The following CDK17 variants were observed in gnomAD, a reference collection of about 807,000 sequenced individuals.
The protein encoded by CDK17 is cyclin-dependent kinase 17.
Under a neutral mutation model 77.6 loss-of-function variants are expected in CDK17, and 24 were observed. The ratio of observed to expected loss-of-function variants is 0.31; its 90% confidence interval spans 0.22 to 0.44. The LOEUF is 0.44. Among genes scored for constraint, CDK17 ranks in the 20% least tolerant of loss-of-function variants. The pLI, the probability that CDK17 is intolerant of heterozygous loss-of-function variation, is 1.00. For synonymous variants in CDK17, 203 were observed against 210.4 expected (o/e 0.96, Z 0.30); for missense variants, 429 against 622.5 (o/e 0.69, Z 3.31).
At position 96,380,305 on chromosome 12, in the gene CDK17, C is replaced by A. The variant is rs1483616635; in HGVS notation, c.-30+19681G>T. 1.9e-4 allele frequency among the ~76,000 whole-genome samples: 23 copies of A among 123,790 alleles called. No homozygotes were observed. The South Asian group carries it at 4.4e-3, about 24-fold the overall frequency. The allele number at this position is 123,790 out of a possible 152,430, so 81.2% of individuals were successfully genotyped here. ...CTGGTTTTTTTTTTTTTTTTTGAGA[C>A]AAAGTCTTCCCTGTTGCCCAGGCTA... On this transcript the variant is annotated intron_variant, in intron 1 of 16. Transcript: ENST00000261211.
At chr12:96,398,020 C>T (rs534375095) in intron 1 of CDK17, among the ~76,000 whole-genome samples, 2 of 152,110 alleles carry the variant, frequency 1.3e-5, no homozygotes, top group South Asian at 2.1e-4. Context: ...ATTAAACAGG[C>T]TTTGCTTTTA....
chr12:96,385,658 T>C (rs1379620744), intron 1 of CDK17, among the ~76,000 whole-genome samples: 1 of 152,052 alleles, frequency 6.6e-6, no homozygotes, highest in Non-Finnish European at 1.5e-5. Flanking sequence ...AAAAGGATCT[T>C]AAACAAAAAT....
chr12:96,313,865 T>C (rs1300747788), intron 3 of CDK17, among the ~76,000 whole-genome samples: 2 of 152,222 alleles, frequency 1.3e-5, no homozygotes, highest in African/African-American at 4.8e-5. Context: ...TCTTATTTAG[T>C]ATTCTTTCAA....
At position 96,400,060 on chromosome 12, in the gene CDK17, G is replaced by A; in HGVS notation, c.-104C>T. On this transcript the variant is annotated 5_prime_UTR_variant, in exon 1 of 17. Coordinates refer to ENST00000261211, the MANE Select transcript of CDK17 (RefSeq NM_002595.5). The stretch of plus-strand genomic sequence containing the variant: ...GGGGGAAGCTGCTCCGCGGACGCCC[G>A]CGGCGACCGGATGCAAGTCCGGGTC... 1 of 388,474 alleles carries A rather than the reference G, an allele frequency of 2.6e-6. No individual in the cohort carries two copies. Among genetic ancestry groups the A allele is most frequent in the Non-Finnish European group, 4.5e-6 (1 of 219,792 alleles). 24.1% of individuals were successfully genotyped at this position (388,474 alleles called of 1,614,324 possible). A position where few individuals can be genotyped will look rare whatever the true frequency, so the allele number is the denominator to read the frequency against.
At chr12:96,377,511 GATA>G (rs1231369601) in intron 1 of CDK17, among the ~76,000 whole-genome samples, 1 of 152,072 alleles carries the variant, frequency 6.6e-6, no homozygotes, top group East Asian at 1.9e-4. Context: ...CAATGTCATT[GATA>G]ATGAGAAAAA....
intron 2 of CDK17, among the ~76,000 whole-genome samples, chr12:96,331,871 G>A (rs973621754): frequency 1.3e-5 from 2 of 152,168 alleles, no homozygotes; most frequent in African/African-American, 4.8e-5. Context: ...CAAGAGACAA[G>A]TGATCAAAAA....
chr12:96,375,979 C>A (rs1017758904), intron 1 of CDK17, among the ~76,000 whole-genome samples: 2 of 152,116 alleles, frequency 1.3e-5, no homozygotes, highest in African/African-American at 4.8e-5. Flanking sequence ...TGCAAATGAG[C>A]CTAAGAATCA....
chr12:96,281,418 G>C (rs1331979249), intron 15 of CDK17, among the ~76,000 whole-genome samples: 1 of 152,224 alleles, frequency 6.6e-6, no homozygotes, highest in Non-Finnish European at 1.5e-5. Context: ...ACCCAGGCTA[G>C]AGTGCAGTGG....
intron 5 of CDK17, among the ~76,000 whole-genome samples, chr12:96,306,565 C>A (rs1385344869): frequency 1.3e-5 from 2 of 152,012 alleles, no homozygotes; most frequent in Non-Finnish European, 2.9e-5. Context: ...AAGTCTAGTA[C>A]ATGTGAAGAA....
At chr12:96,351,318 CA>C (rs33926052) in intron 1 of CDK17, among the ~76,000 whole-genome samples, 65,049 of 148,394 alleles carry the variant, frequency 0.44, 15,636 homozygotes, top group Middle Eastern at 0.61. Context: ...AGGGATATAC[CA>C]AAAAAAAAAA....
rs1357195086 is a variant in CDK17, at chr12:96,316,691, G to A, written c.284-3237C>T. Among the ~76,000 whole-genome samples, 7 of 126,698 alleles carry A rather than the reference G, an allele frequency of 5.5e-5. No individual in the cohort carries two copies. In the East Asian group the frequency reaches 1.9e-3, roughly 35 times the overall value. The allele number at this position is 126,698 out of a possible 152,430, so 83.1% of individuals were successfully genotyped here. A position where few individuals can be genotyped will look rare whatever the true frequency, so the allele number is the denominator to read the frequency against. On this transcript the variant is annotated intron_variant, in intron 3 of 16. Transcript: ENST00000261211. Reference sequence around the variant, plus strand: ...CTAACTGTGAGGCACCCCCCAGCAGGGGCACACTGACACCTCACACGGCAG... The same window carrying A: ...CTAACTGTGAGGCACCCCCCAGCAGAGGCACACTGACACCTCACACGGCAG...
intron 1 of CDK17, among the ~76,000 whole-genome samples, chr12:96,376,476 A>G (rs1953784547): frequency 6.6e-6 from 1 of 152,222 alleles, no homozygotes; most frequent in Non-Finnish European, 1.5e-5. Context: ...GCTTATAAGC[A>G]ATATACTCAA....
chr12:96,280,423 C>G lies in CDK17; in HGVS notation c.1535-144G>C, dbSNP rs914096357. 6 of 1,439,924 alleles carry G rather than the reference C, an allele frequency of 4.2e-6. No individual in the cohort carries two copies. The East Asian group carries it at 7.6e-5, about 18-fold the overall frequency. The allele number at this position is 1,439,924 out of a possible 1,614,324, so 89.2% of individuals were successfully genotyped here. On this transcript the variant is annotated intron_variant, in intron 16 of 16. Transcript: ENST00000261211. ...GTGATCAGCACTGTCTTAAATGACCCTTCTGTTGACGGGGTCAGTCTACAG... is the reference window on the plus strand; with the variant it reads ...GTGATCAGCACTGTCTTAAATGACCGTTCTGTTGACGGGGTCAGTCTACAG...
At chr12:96,324,174 A>G in intron 2 of CDK17, 62 bp from the exon 3 acceptor site, 1 of 1,354,286 alleles carries the variant, frequency 7.4e-7, no homozygotes, top group Non-Finnish European at 9.9e-7. Flanking sequence ...ATCACATGAG[A>G]AGGATTCAGA....
intron 1 of CDK17, among the ~76,000 whole-genome samples, chr12:96,374,337 T>C (rs141952993): frequency 6.6e-6 from 1 of 152,186 alleles, no homozygotes; most frequent in African/African-American, 2.4e-5. Flanking sequence ...CGTAGAAAAA[T>C]TGTTAAGTAA....
chr12:96,331,115 G>T (rs1952960629), intron 2 of CDK17, among the ~76,000 whole-genome samples: 1 of 152,120 alleles, frequency 6.6e-6, no homozygotes, highest in South Asian at 2.1e-4. Flanking sequence ...ATTAATTTTT[G>T]TATTTTTAGT....
At chr12:96,347,332 G>C (rs1476860762) in intron 1 of CDK17, among the ~76,000 whole-genome samples, 3 of 151,816 alleles carry the variant, frequency 2.0e-5, no homozygotes, top group Admixed American at 1.3e-4. Flanking sequence ...AGGAGGCAGA[G>C]GCGGGCAGAT....
intron 1 of CDK17, among the ~76,000 whole-genome samples, chr12:96,394,462 G>A (rs372116311): frequency 1.2e-4 from 18 of 152,176 alleles, no homozygotes; most frequent in African/African-American, 3.9e-4. Flanking sequence ...AAAATGTAGA[G>A]TATTCTTGAA....
intron 1 of CDK17, among the ~76,000 whole-genome samples, chr12:96,390,708 C>CAAAAAAAAA (rs71097285): frequency 4.6e-5 from 2 of 43,494 alleles, no homozygotes; most frequent in East Asian, 6.4e-4. Flanking sequence ...GACTCCATCT[C>CAAAAAAAAA]AAAAAAAAAA....
Sources: allele counts gnomAD v4.1 joint callset (sites outside exome capture counted in the v4.1 genomes callset), GRCh38; gene constraint gnomAD v4.1.1; transcripts MANE v1.5; gene names NCBI Gene and HGNC (gene_info 2026-07-23, HGNC 2026-07-21).